Variants in TMEM121 observed in about 807,000 individuals in gnomAD.
The protein encoded by TMEM121 is transmembrane protein 121.
A neutral mutation model predicts 16.4 loss-of-function variants in TMEM121; 8 were observed. The observed-to-expected ratio is 0.49, with a 90% CI of 0.29 to 0.88. TMEM121 has a LOEUF of 0.88. Among genes scored for constraint, TMEM121 ranks in the 40% least tolerant of loss-of-function variants. The pLI, the probability that TMEM121 is intolerant of heterozygous loss-of-function variation, is 0.09. For missense variants in TMEM121, 401 were observed against 462.0 expected (o/e 0.87, Z 1.21); for synonymous variants, 235 against 226.2 (o/e 1.04, Z -0.35).
rs1439697841 is a variant in TMEM121, at chr14:105,529,769, C to T, written c.935C>T (p.Pro312Leu). 6 of 1,480,662 alleles carry T rather than the reference C, an allele frequency of 4.1e-6. No homozygotes were observed. Among genetic ancestry groups the T allele is most frequent in the Non-Finnish European group, 5.3e-6 (6 of 1,126,566 alleles). The allele number at this position is 1,480,662 out of a possible 1,614,324, so 91.7% of individuals were successfully genotyped here. ...CCTGGGCGCCCCCACATGTCCTCGC[C>T]CACGCGTGACCCCCTGGACACGTGA... ...GPPGRPHMSS[P>L]TRDPLDT The change falls in exon 2 of 2, where the codon CCC becomes CTC. Residue 312 changes from proline to leucine, a missense_variant. Coordinates refer to ENST00000392519, the MANE Select transcript of TMEM121 (RefSeq NM_025268.4).
chr14:105,527,312 C>T (rs1215382425), intron 1 of TMEM121: 1 of 152,254 alleles, frequency 6.6e-6, no homozygotes, highest in African/African-American at 2.4e-5. Flanking sequence ...TTTGGCCCCG[C>T]CACGCGCGGA....
intron 1 of TMEM121, among the ~76,000 whole-genome samples, chr14:105,527,799 G>A (rs2084601244): frequency 6.6e-6 from 1 of 152,002 alleles, no homozygotes; most frequent in African/African-American, 2.4e-5. Flanking sequence ...GTGACTTTGG[G>A]GTGGGTGCGG....
intron 1 of TMEM121, chr14:105,528,476 C>G (rs1192752004): frequency 1.2e-5 from 2 of 162,024 alleles, no homozygotes; most frequent in Non-Finnish European, 2.7e-5. Context: ...AAAACGCGTC[C>G]GTTCCGTTTC....
chr14:105,529,931 C>A lies in TMEM121; in HGVS notation c.*137C>A. ...CCTCGAGTGCCCGTGCCTGGGGTCC[C>A]GCGGCCGCTTCTTCATCTCAGGAAT... On this transcript the variant is annotated 3_prime_UTR_variant, in exon 2 of 2. Transcript: ENST00000392519. The A allele has an allele frequency of 2.4e-6, 2 of 847,286 alleles. No homozygotes were observed. Among genetic ancestry groups the A allele is most frequent in the Non-Finnish European group, 3.4e-6 (2 of 592,182 alleles). The allele number at this position is 847,286 out of a possible 1,614,324, so 52.5% of individuals were successfully genotyped here.
Position 105,529,832 on chromosome 14 carries a change from A to G in TMEM121, c.*38A>G, listed in dbSNP as rs2084629307. ...GGCCCCCGACACGCCCCTGGGGCGC[A>G]GAGACACCGGGTTGGCTTGGGGCGC... On this transcript the variant is annotated 3_prime_UTR_variant, in exon 2 of 2. Coordinates refer to ENST00000392519, the MANE Select transcript of TMEM121 (RefSeq NM_025268.4). 2.9e-6 allele frequency: 4 copies of G among 1,379,740 alleles called. No individual in the cohort carries two copies. Among genetic ancestry groups the G allele is most frequent in the Non-Finnish European group, 3.7e-6 (4 of 1,075,596 alleles). 85.5% of individuals were successfully genotyped at this position (1,379,740 alleles called of 1,614,324 possible).
rs1313086974 is a variant in TMEM121, at chr14:105,529,517, T to C, written c.683T>C (p.Val228Ala). 6.5e-7 allele frequency: 1 copy of C among 1,540,414 alleles called. No homozygotes were observed. Among genetic ancestry groups the C allele is most frequent in the Non-Finnish European group, 8.7e-7 (1 of 1,144,268 alleles). Reference sequence around the variant, plus strand: ...CTCAGCCTCGCCACCGTCAATGTGGTGGCCGTGCTGGCGCGCGCCGCCAAC... The same window carrying C: ...CTCAGCCTCGCCACCGTCAATGTGGCGGCCGTGCTGGCGCGCGCCGCCAAC... ...PVLSLATVNV[V>A]AVLARAANMA... Residue 228 changes from valine to alanine, a missense_variant, in exon 2 of 2, where the codon GTG becomes GCG. By Grantham distance (64) the Val-to-Ala change is moderately conservative. Transcript: ENST00000392519.
chr14:105,529,521 C>T lies in TMEM121; in HGVS notation c.687C>T (p.Ala229=), dbSNP rs1555444286. Residue 229 remains alanine, a synonymous_variant, in exon 2 of 2, where the codon GCC becomes GCT. Coordinates refer to ENST00000392519, the MANE Select transcript of TMEM121 (RefSeq NM_025268.4). The part of the protein sequence containing the change: ...VLSLATVNVV[A]VLARAANMAL... ...GCCTCGCCACCGTCAATGTGGTGGC[C>T]GTGCTGGCGCGCGCCGCCAACATGG... The T allele has an allele frequency of 6.5e-7, 1 of 1,540,004 alleles. No homozygotes were observed.
In TMEM121 at chr14:105,529,096, A is replaced by C; in HGVS notation, c.262A>C (p.Ile88Leu). Residue 88 changes from isoleucine (I) to leucine (L), a missense_variant, in exon 2 of 2, where the codon ATC becomes CTC. Ile to Leu is a conservative substitution (Grantham distance 5). Transcript: ENST00000392519. ...GTTCCTTTACATCTTCGTGCTGGAG[A>C]TCAAGCTCTACTTCATCTTCCAGAA... ...LWFLYIFVLE[I>L]KLYFIFQNYK... is the part of the protein sequence containing the mutation. The C allele has an allele frequency of 1.2e-6, 2 of 1,611,464 alleles. No individual in the cohort carries two copies. The highest frequency in any genetic ancestry group is 1.7e-6 in the Non-Finnish European group (2 of 1,179,736).
rs1219627464 is a variant in TMEM121 at position 105,529,264 on chromosome 14, G to T, written c.430G>T (p.Glu144Ter). 1.9e-6 allele frequency: 3 copies of T among 1,549,096 alleles called. No homozygotes were observed. Among genetic ancestry groups the T allele is most frequent in the African/African-American group, 1.4e-5 (1 of 73,298 alleles). The change falls in exon 2 of 2, where the codon GAG becomes TAG. Residue 144 changes from glutamate to a stop codon, truncating the protein, a stop_gained. Transcript: ENST00000392519. LOFTEE classifies it high-confidence loss of function. ...MEYVRTFRKREDLRGRLFWVA... is the reference protein window; with the variant it reads ...MEYVRTFRKR ...GTACGTGCGCACCTTCCGCAAGCGC[G>T]AGGACCTGCGCGGCCGCCTGTTTTG...
chr14:105,527,952 C>A (rs1555443992), intron 1 of TMEM121, among the ~76,000 whole-genome samples: 1 of 149,316 alleles, frequency 6.7e-6, no homozygotes, highest in African/African-American at 2.6e-5. Flanking sequence ...GGACGGGCTT[C>A]CCGAGATTCG....
At position 105,529,203 on chromosome 14, in the gene TMEM121, C is replaced by A. The variant is rs781915698; in HGVS notation, c.369C>A (p.Gly123=). The stretch of plus-strand genomic sequence containing the variant: ...TGCTGCTGTCTGTGTGTGTGCCCGG[C>A]CTGTTCCTGCTGCTCGTGGCGCTGG... ...LTLLLSVCVP[G]LFLLLVALDR... Residue 123 remains glycine, a synonymous_variant, in exon 2 of 2, where the codon GGC becomes GGA. Coordinates refer to ENST00000392519, the MANE Select transcript of TMEM121 (RefSeq NM_025268.4). 5.6e-5 allele frequency: 88 copies of A among 1,581,310 alleles called. No homozygotes were observed. In the Middle Eastern group the frequency reaches 1.8e-3, roughly 33 times the overall value.
rs782593364 is a variant in TMEM121, at chr14:105,529,733, T to C, written c.899T>C (p.Leu300Pro). The C allele has an allele frequency of 2.3e-4, 346 of 1,514,084 alleles. No individual in the cohort carries two copies. The highest frequency in any genetic ancestry group is 2.8e-4 in the Non-Finnish European group (319 of 1,138,564). The allele number at this position is 1,514,084 out of a possible 1,614,324, so 93.8% of individuals were successfully genotyped here. A position where few individuals can be genotyped will look rare whatever the true frequency, so the allele number is the denominator to read the frequency against. ...TCGGTGCCGCCGCCGCCGCCGCCGC[T>C]GCACGGCCCGCCTGGGCGCCCCCAC... Reference protein sequence around the residue: ...RNSVPPPPPPLHGPPGRPHMS... With the variant: ...RNSVPPPPPPPHGPPGRPHMS... Residue 300 changes from leucine to proline, a missense_variant, in exon 2 of 2, where the codon CTG becomes CCG. Leu to Pro is a moderately conservative substitution (Grantham distance 98). Transcript: ENST00000392519.
At position 105,528,812 on chromosome 14, in the gene TMEM121, A is replaced by G; in HGVS notation, c.-23A>G. 1 of 1,386,092 alleles carries G rather than the reference A, an allele frequency of 7.2e-7. No individual in the cohort carries two copies. The highest frequency in any genetic ancestry group is 9.3e-7 in the Non-Finnish European group (1 of 1,077,294). The allele number at this position is 1,386,092 out of a possible 1,614,324, so 85.9% of individuals were successfully genotyped here. ...CCAGGCGTGGGGGCCGCGCGCGCCC[A>G]GGCCGGGGCCCGGCGGCCGACCATG... On this transcript the variant is annotated 5_prime_UTR_variant, in exon 2 of 2. Transcript: ENST00000392519.
At position 105,529,878 on chromosome 14, in the gene TMEM121, TG is replaced by T. The variant is rs1419604591; in HGVS notation, c.*89del. ...GGCGCGCGGTTTGCATGGGATGGGG[TG>T]GGGGCGGGCTCCCCTAGGGACAGGT... is the stretch of plus-strand genomic sequence containing the variant. On this transcript the variant is annotated 3_prime_UTR_variant, in exon 2 of 2. Transcript: ENST00000392519. 42 of 1,191,592 alleles carry T rather than the reference TG, an allele frequency of 3.5e-5. No homozygotes were observed. The highest frequency in any genetic ancestry group is 6.0e-4 in the Middle Eastern group (2 of 3,336). The allele number at this position is 1,191,592 out of a possible 1,614,324, so 73.8% of individuals were successfully genotyped here.
At position 105,530,129 on chromosome 14, in the gene TMEM121, T is replaced by C. The variant is rs587647360; in HGVS notation, c.*335T>C. 4 of 329,548 alleles carry C rather than the reference T, an allele frequency of 1.2e-5. No individual in the cohort carries two copies. The South Asian group carries it at 4.3e-4, about 35-fold the overall frequency. The allele number at this position is 329,548 out of a possible 1,614,324, so 20.4% of individuals were successfully genotyped here. A position where few individuals can be genotyped will look rare whatever the true frequency, so the allele number is the denominator to read the frequency against. ...GAGATCTGCTCCTTCGGTGGGGGCC[T>C]CTGGCTCAGATTTGGGGCCAAGGAG... On this transcript the variant is annotated 3_prime_UTR_variant, in exon 2 of 2. Coordinates refer to ENST00000392519, the MANE Select transcript of TMEM121 (RefSeq NM_025268.4).
chr14:105,526,993 C>G lies in TMEM121; in HGVS notation c.-114+340C>G, dbSNP rs1555443878. On this transcript the variant is annotated intron_variant, in intron 1 of 1. Coordinates refer to ENST00000392519, the MANE Select transcript of TMEM121 (RefSeq NM_025268.4). This position sits in a 1 kb window ranked among gnomAD's most constrained non-coding sequence, Gnocchi z 6.8. ...TTGCGGGGCCCGGGCAGTGAAGGGCCTGGAGGCCCCAGAGTCTGTGCCAGG... is the reference window on the plus strand; with the variant it reads ...TTGCGGGGCCCGGGCAGTGAAGGGCGTGGAGGCCCCAGAGTCTGTGCCAGG... 6.6e-6 allele frequency: 1 copy of G among 152,284 alleles called. No individual in the cohort carries two copies. The highest frequency in any genetic ancestry group is 1.5e-5 in the Non-Finnish European group (1 of 68,264). 9.4% of individuals were successfully genotyped at this position (152,284 alleles called of 1,614,324 possible).
chr14:105,528,620 A>C, intron 1 of TMEM121, 102 bp from the exon 2 acceptor site: 27 of 266,870 alleles, frequency 1.0e-4, no homozygotes, highest in Middle Eastern at 1.4e-3. Context: ...CCCGGCGCGG[A>C]GACCGCGCCT....
Position 105,529,722 on chromosome 14 carries a change from GCCGCCGCCGCTGCACGGC to G in TMEM121, c.894_911del (p.Pro299_Pro304del). 1 of 1,527,668 alleles carries G rather than the reference GCCGCCGCCGCTGCACGGC, an allele frequency of 6.5e-7. No individual in the cohort carries two copies. Among genetic ancestry groups the G allele is most frequent in the Non-Finnish European group, 8.7e-7 (1 of 1,143,066 alleles). The allele number at this position is 1,527,668 out of a possible 1,614,324, so 94.6% of individuals were successfully genotyped here. A position where few individuals can be genotyped will look rare whatever the true frequency, so the allele number is the denominator to read the frequency against. Reference sequence around the variant, plus strand: ...CGCAGCGCAACTCGGTGCCGCCGCCGCCGCCGCCGCTGCACGGCCCGCCTGGGCGCCCCCACATGTCCT... The same window carrying G: ...CGCAGCGCAACTCGGTGCCGCCGCCGCCGCCTGGGCGCCCCCACATGTCCT... On this transcript the variant is annotated inframe_deletion, in exon 2 of 2. Transcript: ENST00000392519.
At position 105,529,637 on chromosome 14, in the gene TMEM121, G is replaced by T; in HGVS notation, c.803G>T (p.Arg268Leu). The T allele has an allele frequency of 6.3e-7, 1 of 1,579,274 alleles. No homozygotes were observed. Among genetic ancestry groups the T allele is most frequent in the Non-Finnish European group, 8.5e-7 (1 of 1,171,436 alleles). The change falls in exon 2 of 2, where the codon CGC becomes CTC. Residue 268 changes from arginine to leucine, a missense_variant. By Grantham distance (102) the Arg-to-Leu change is moderately radical (BLOSUM62 -2). Coordinates refer to ENST00000392519, the MANE Select transcript of TMEM121 (RefSeq NM_025268.4). ...AAGGCCTGCACCTTCCTGGAGTACC[G>T]CCGCCAGGTGCGCGACTTCCCGCCG... is the stretch of plus-strand genomic sequence containing the variant. ...ATKACTFLEY[R>L]RQVRDFPPPA...
Sources: allele counts gnomAD v4.1 joint callset (sites outside exome capture counted in the v4.1 genomes callset), GRCh38; gene constraint gnomAD v4.1.1; non-coding constraint Gnocchi (gnomAD v3.1); transcripts MANE v1.5; gene names NCBI Gene and HGNC (gene_info 2026-07-23, HGNC 2026-07-21).